The following RBFOX1 variants were observed in gnomAD, a reference collection of about 807,000 sequenced individuals.
The protein encoded by RBFOX1 is RNA binding fox-1 homolog 1, also known as RNA binding protein fox-1 homolog 1.
Under a neutral mutation model 57.7 loss-of-function variants are expected in RBFOX1, and 8 were observed. The ratio of observed to expected loss-of-function variants is 0.14; its 90% CI spans 0.08 to 0.25. The LOEUF (loss-of-function observed/expected upper bound fraction) is 0.25. Among genes scored for constraint, RBFOX1 ranks in the 10% least tolerant of loss-of-function variants. The pLI, the probability that RBFOX1 is intolerant of heterozygous loss-of-function variation, is 1.00. For missense variants in RBFOX1, 611 were observed against 548.5 expected, an observed-to-expected ratio of 1.11 and a Z score of -1.14; for synonymous variants, 326 against 222.4, an observed-to-expected ratio of 1.47 and a Z score of -4.15.
intron 2 of RBFOX1, among the ~76,000 whole-genome samples, chr16:5,589,268 T>A (rs1485189685): frequency 1.3e-5 from 2 of 152,120 alleles, no homozygotes; most frequent in African/African-American, 4.8e-5. Context: ...TTCTGTTCCT[T>A]TGCATGGTTT....
intron 1 of RBFOX1, among the ~76,000 whole-genome samples, chr16:5,278,981 G>C (rs556857580): frequency 2.0e-5 from 3 of 152,062 alleles, no homozygotes; most frequent in Non-Finnish European, 4.4e-5. Context: ...CACTGTTTTG[G>C]TTACTATAGC....
chr16:6,631,851 A>G (rs913034098), intron 2 of RBFOX1, among the ~76,000 whole-genome samples: 29 of 152,074 alleles, frequency 1.9e-4, no homozygotes, highest in Admixed American at 1.3e-3. Context: ...CAAGGTGGCC[A>G]CAAACTTAAT....
intron 4 of RBFOX1, among the ~76,000 whole-genome samples, chr16:7,107,977 A>G (rs894950721): frequency 6.7e-6 from 1 of 149,166 alleles, no homozygotes; most frequent in African/African-American, 2.5e-5. Context: ...GAAAAATGCA[A>G]TTGACCTAGG....
At chr16:6,902,882 C>G (rs959692638) in intron 3 of RBFOX1, among the ~76,000 whole-genome samples, 12 of 152,218 alleles carry the variant, frequency 7.9e-5, no homozygotes, top group Admixed American at 7.9e-4. Context: ...CAGACATTGA[C>G]TAAGCTCCTA....
At chr16:6,459,253 G>A (rs1044332248) in intron 2 of RBFOX1, among the ~76,000 whole-genome samples, 12 of 151,904 alleles carry the variant, frequency 7.9e-5, no homozygotes, top group South Asian at 2.1e-4. Flanking sequence ...GGAGAATGGC[G>A]TGAACCCGGG....
At chr16:7,274,602 C>T (rs2095405101) in intron 4 of RBFOX1, among the ~76,000 whole-genome samples, 2 of 151,956 alleles carry the variant, frequency 1.3e-5, no homozygotes, top group African/African-American at 2.4e-5. Context: ...TTATGGGCCA[C>T]GTTTGAAGGG....
intron 4 of RBFOX1, among the ~76,000 whole-genome samples, chr16:7,279,423 G>A (rs1042383962): frequency 6.6e-6 from 1 of 152,218 alleles, no homozygotes; most frequent in Admixed American, 6.5e-5. Flanking sequence ...CAGGCTTTCT[G>A]TTACTCGTTT....
chr16:5,623,042 TG>T (rs2048245554), intron 3 of RBFOX1, among the ~76,000 whole-genome samples: 1 of 152,170 alleles, frequency 6.6e-6, no homozygotes, highest in Non-Finnish European at 1.5e-5. Context: ...TGAACATTCA[TG>T]GGTTTTGGTA....
intron 1 of RBFOX1, among the ~76,000 whole-genome samples, chr16:6,165,013 T>C (rs1399167571): frequency 1.3e-5 from 2 of 152,188 alleles, no homozygotes; most frequent in Non-Finnish European, 2.9e-5. Flanking sequence ...TTTAATATTA[T>C]ATAAAACACT....
At chr16:7,103,284 C>G (rs1031779914) in intron 4 of RBFOX1, among the ~76,000 whole-genome samples, 1 of 152,016 alleles carries the variant, frequency 6.6e-6, no homozygotes, top group Non-Finnish European at 1.5e-5. Flanking sequence ...GAGTTTATGA[C>G]GTGTCCAGTC....
At chr16:6,964,710 T>C (rs2083728221) in intron 3 of RBFOX1, among the ~76,000 whole-genome samples, 1 of 152,198 alleles carries the variant, frequency 6.6e-6, no homozygotes, top group Non-Finnish European at 1.5e-5. Context: ...AGGGTGTCTC[T>C]GATGAGGTAA....
Position 6,830,216 on chromosome 16 carries a change from T to C in RBFOX1, c.-16+175566T>C, listed in dbSNP as rs2092606714. On this transcript the variant is annotated intron_variant, in intron 3 of 15. Transcript: ENST00000550418. ...ACAGGTGTGAGCCACCATGCCTGGC[T>C]GAATGTATTTTCTTAATGTGTGTGA... Among the ~76,000 whole-genome samples, 3 of 152,178 alleles carry C rather than the reference T, an allele frequency of 2.0e-5. No individual in the cohort carries two copies. In the South Asian group the frequency reaches 6.2e-4, roughly 32 times the overall value.
intron 3 of RBFOX1, among the ~76,000 whole-genome samples, chr16:5,698,194 T>C (rs1485740551): frequency 6.6e-6 from 1 of 152,198 alleles, no homozygotes; most frequent in African/African-American, 2.4e-5. Flanking sequence ...TTTATAATTT[T>C]CTCTTCTTAC....
chr16:5,702,346 C>G (rs774651545), intron 3 of RBFOX1, among the ~76,000 whole-genome samples: 15 of 152,198 alleles, frequency 9.9e-5, no homozygotes, highest in Non-Finnish European at 1.5e-4. Context: ...TGAGAACTCA[C>G]TCACTATCAT....
intron 7 of RBFOX1, among the ~76,000 whole-genome samples, chr16:7,592,938 C>G (rs868722626): frequency 6.6e-6 from 1 of 151,518 alleles, no homozygotes; most frequent in African/African-American, 2.4e-5. Flanking sequence ...ACCTCAGCCT[C>G]CCAAGTAGCA....
intron 1 of RBFOX1, among the ~76,000 whole-genome samples, chr16:6,265,409 G>C (rs985641737): frequency 1.3e-5 from 2 of 151,920 alleles, no homozygotes; most frequent in Non-Finnish European, 2.9e-5. Flanking sequence ...TTACAGGTGA[G>C]CACCACCGTG....
intron 3 of RBFOX1, among the ~76,000 whole-genome samples, chr16:6,655,672 T>A (rs1038797876): frequency 1.3e-5 from 2 of 152,198 alleles, no homozygotes; most frequent in Non-Finnish European, 2.9e-5. Flanking sequence ...GATCAGATTT[T>A]ACCCTGTGTA....
intron 4 of RBFOX1, among the ~76,000 whole-genome samples, chr16:7,450,932 C>T (rs997294849): frequency 6.6e-6 from 1 of 152,116 alleles, no homozygotes; most frequent in African/African-American, 2.4e-5. Flanking sequence ...AACTAAAAGG[C>T]CAGCCCAGGA....
rs143142402 is a variant in RBFOX1, at chr16:6,362,633, A to G, written c.-64+45576A>G. Among the ~76,000 whole-genome samples the G allele has an allele frequency of 1.8e-4, 28 of 152,348 alleles. No individual in the cohort carries two copies. In the East Asian group the frequency reaches 5.4e-3, roughly 29 times the overall value. ...GAGGGCAGAGTAAATGGATGGCTTC[A>G]TAGACTGATACTAGAATCCTGACGG... On this transcript the variant is annotated intron_variant, in intron 2 of 15. Coordinates refer to ENST00000550418, the MANE Select transcript of RBFOX1 (RefSeq NM_018723.4).
Sources: gnomAD v4.1 joint callset for allele counts (sites outside exome capture counted in the v4.1 genomes callset) on GRCh38, gnomAD v4.1.1 for gene constraint, MANE v1.5 for transcripts, NCBI Gene and HGNC (gene_info 2026-07-23, HGNC 2026-07-21) for gene names.